DTWD2: variants seen among roughly 807,000 people sequenced by gnomAD.
DTWD2 encodes tRNA-uridine aminocarboxypropyltransferase 2.
DTWD2 carries 39 observed loss-of-function variants against 31.8 expected under a neutral mutation model. That is an observed-to-expected ratio of 1.22 (90% CI 0.95 to 1.60). DTWD2 has a LOEUF of 1.60. Ranked by LOEUF, DTWD2 falls within the 40% of genes most tolerant of loss-of-function variation. The probability of loss-of-function intolerance (pLI) is 0.00; values close to 1 mark genes in which losing one functional copy is unlikely to be tolerated. For synonymous variants in DTWD2, 180 were observed against 142.8 expected, an observed-to-expected ratio of 1.26 and a Z score of -1.86; for missense variants, 515 against 381.5, an observed-to-expected ratio of 1.35 and a Z score of -2.92.
rs770069207 is a variant in DTWD2, at chr5:118,931,757, A to G, written c.405-3028T>C. Among the ~76,000 whole-genome samples, 24 of 152,346 alleles carry G rather than the reference A, an allele frequency of 1.6e-4. 1 individual carries two copies. Among genetic ancestry groups the G allele is most frequent in the Non-Finnish European group, 3.2e-4 (22 of 68,028 alleles). Reference sequence around the variant, plus strand: ...TCAACTTGATCTAATTGATATTTATAGAATAGTCCACCAACAACAAAATAC... The same window carrying G: ...TCAACTTGATCTAATTGATATTTATGGAATAGTCCACCAACAACAAAATAC... On this transcript the variant is annotated intron_variant, in intron 3 of 5. Coordinates refer to ENST00000510708, the MANE Select transcript of DTWD2 (RefSeq NM_173666.4).
intron 4 of DTWD2, among the ~76,000 whole-genome samples, chr5:118,867,522 C>G (rs1752404455): frequency 6.6e-6 from 1 of 152,216 alleles, no homozygotes; most frequent in African/African-American, 2.4e-5. Context: ...CCAGGACTGT[C>G]ACTTTCTAAC....
chr5:118,938,958 T>C lies in DTWD2; in HGVS notation c.404+238A>G, dbSNP rs76866945. Among the ~76,000 whole-genome samples the C allele has an allele frequency of 6.2e-3, 947 of 152,178 alleles. 1 individual carries two copies. Among genetic ancestry groups the C allele is most frequent in the Non-Finnish European group, 0.01 (711 of 67,998 alleles). ...AAGTTAAACATACATTACTATGAAA[T>C]TCAGATAATGCTATCATTCCTTTGC... On this transcript the variant is annotated intron_variant, in intron 3 of 5. Coordinates refer to ENST00000510708, the MANE Select transcript of DTWD2 (RefSeq NM_173666.4).
chr5:118,874,185 A>C (rs1175118602), intron 4 of DTWD2, among the ~76,000 whole-genome samples: 4 of 152,212 alleles, frequency 2.6e-5, no homozygotes, highest in Non-Finnish European at 5.9e-5. Flanking sequence ...AAGATAAAAG[A>C]AAAAGAAAAC....
chr5:118,850,477 CAAAAAAAAAAAAAAAA>C (rs34808087), intron 4 of DTWD2, among the ~76,000 whole-genome samples: 6 of 30,466 alleles, frequency 2.0e-4, no homozygotes, highest in Non-Finnish European at 3.1e-4. Flanking sequence ...GACCCCACCA[CAAAAAAAAAAAAAAAA>C]AAAAAAAAAA....
intron 4 of DTWD2, among the ~76,000 whole-genome samples, chr5:118,892,542 AC>A (rs1752997284): frequency 6.6e-6 from 1 of 152,070 alleles, no homozygotes; most frequent in Non-Finnish European, 1.5e-5. Context: ...TTGACAAAAA[AC>A]ATTCTACATT....
chr5:118,873,444 C>T (rs965310466), intron 4 of DTWD2, among the ~76,000 whole-genome samples: 1 of 152,182 alleles, frequency 6.6e-6, no homozygotes, highest in African/African-American at 2.4e-5. Flanking sequence ...ACAGACTGTG[C>T]CTGTCTGGTA....
At chr5:118,881,395 A>G (rs1318936533) in intron 4 of DTWD2, among the ~76,000 whole-genome samples, 1 of 152,226 alleles carries the variant, frequency 6.6e-6, no homozygotes, top group African/African-American at 2.4e-5. Context: ...CGCCTAAGAA[A>G]TAACATGGCT....
intron 4 of DTWD2, among the ~76,000 whole-genome samples, chr5:118,921,632 C>G (rs1023342216): frequency 3.3e-5 from 5 of 152,066 alleles, no homozygotes; most frequent in African/African-American, 1.2e-4. Flanking sequence ...GGCTCTCCCC[C>G]AAAGGAGGAA....
chr5:118,843,343 G>GAGGC (rs1249597013), intron 5 of DTWD2, among the ~76,000 whole-genome samples: 1 of 123,936 alleles, frequency 8.1e-6, no homozygotes, highest in African/African-American at 3.6e-5. Context: ...GGGAGGGAGG[G>GAGGC]AGGCAGGGAG....
At chr5:118,987,372 G>A (rs1755451651) in intron 1 of DTWD2, among the ~76,000 whole-genome samples, 1 of 152,100 alleles carries the variant, frequency 6.6e-6, no homozygotes, top group South Asian at 2.1e-4. Flanking sequence ...TCCAGCCCTA[G>A]GAAAAGGTCA....
intron 4 of DTWD2, among the ~76,000 whole-genome samples, chr5:118,921,727 G>A (rs576323624): frequency 6.6e-6 from 1 of 152,026 alleles, no homozygotes; most frequent in Non-Finnish European, 1.5e-5. Flanking sequence ...GTCACTTAAC[G>A]AACAGTAAGT....
intron 4 of DTWD2, among the ~76,000 whole-genome samples, chr5:118,899,685 T>C (rs960622898): frequency 2.0e-5 from 3 of 152,172 alleles, no homozygotes; most frequent in African/African-American, 7.2e-5. Flanking sequence ...TTCCTGTCAT[T>C]ATGCCCTCCC....
At chr5:118,933,178 C>A (rs2149581058) in intron 3 of DTWD2, among the ~76,000 whole-genome samples, 1 of 152,194 alleles carries the variant, frequency 6.6e-6, no homozygotes, top group Non-Finnish European at 1.5e-5. Flanking sequence ...AATTAATAAT[C>A]TTCTAAAAAA....
chr5:118,851,846 AAAAAAAAG>A (rs1325346696), intron 4 of DTWD2, among the ~76,000 whole-genome samples: 2 of 151,980 alleles, frequency 1.3e-5, no homozygotes, highest in African/African-American at 4.8e-5. Flanking sequence ...TAATAAAAAA[AAAAAAAAG>A]AAAAAAGAAA....
intron 1 of DTWD2, among the ~76,000 whole-genome samples, chr5:118,978,699 G>A (rs1400611644): frequency 1.3e-5 from 2 of 152,110 alleles, no homozygotes; most frequent in African/African-American, 4.8e-5. Flanking sequence ...CAGTCAGAAT[G>A]GTGACTATCA....
intron 4 of DTWD2, among the ~76,000 whole-genome samples, chr5:118,887,401 C>T (rs1314363338): frequency 6.6e-6 from 1 of 151,892 alleles, no homozygotes; most frequent in African/African-American, 2.4e-5. Flanking sequence ...TTTGGGAAGG[C>T]TAAGGGTGAT....
intron 1 of DTWD2, among the ~76,000 whole-genome samples, chr5:118,955,841 T>C (rs560409916): frequency 1.3e-5 from 2 of 152,214 alleles, no homozygotes; most frequent in East Asian, 3.9e-4. Context: ...ACTATTATAC[T>C]TGACAGGCAA....
intron 4 of DTWD2, among the ~76,000 whole-genome samples, chr5:118,906,498 T>A (rs1343968092): frequency 6.6e-6 from 1 of 152,122 alleles, no homozygotes; most frequent in Non-Finnish European, 1.5e-5. Context: ...ATGCAAACAA[T>A]GGAATACCAT....
intron 4 of DTWD2, among the ~76,000 whole-genome samples, chr5:118,854,388 TA>T (rs1752083225): frequency 6.6e-6 from 1 of 151,946 alleles, no homozygotes; most frequent in Non-Finnish European, 1.5e-5. Flanking sequence ...TCTCTTAGGA[TA>T]CAGGAAAAAT....
Sources: gnomAD v4.1 joint callset for allele counts (sites outside exome capture counted in the v4.1 genomes callset) on GRCh38, gnomAD v4.1.1 for gene constraint, MANE v1.5 for transcripts, NCBI Gene and HGNC (gene_info 2026-07-23, HGNC 2026-07-21) for gene names.